Variants in KIT observed in about 807,000 individuals in gnomAD.
The protein encoded by KIT is KIT proto-oncogene, receptor tyrosine kinase.
Under a neutral mutation model 105.7 loss-of-function variants are expected in KIT, and 16 were observed. That is an observed-to-expected ratio of 0.15 (90% CI 0.10 to 0.23). The LOEUF (loss-of-function observed/expected upper bound fraction) is 0.23. Ranked by LOEUF, KIT falls within the 10% of genes least tolerant of loss-of-function variation. The probability of loss-of-function intolerance (pLI) is 1.00; values close to 1 mark genes in which losing one functional copy is unlikely to be tolerated. For missense variants in KIT, 858 were observed against 1,213.8 expected (o/e 0.71, Z 4.36); for synonymous variants, 438 against 441.1 (o/e 0.99, Z 0.09).
chr4:54,678,354 C>CTCCT (rs1480633825), intron 1 of KIT, among the ~76,000 whole-genome samples: 4,412 of 68,098 alleles, frequency 0.065, 355 homozygotes, highest in Non-Finnish European at 0.085. Flanking sequence ...CCTTCCTTCC[C>CTCCT]TCCCTCCCTC....
chr4:54,693,595 G>A (rs922307000), intron 1 of KIT, among the ~76,000 whole-genome samples: 1 of 151,984 alleles, frequency 6.6e-6, no homozygotes. Flanking sequence ...CACCTCTCAC[G>A]TCCCCTCCCC....
In KIT at chr4:54,727,836, T is replaced by C. The variant is rs748829568; in HGVS notation, c.1788T>C (p.Gly596=). The C allele has an allele frequency of 6.2e-7, 1 of 1,612,846 alleles. No individual in the cohort carries two copies. Among genetic ancestry groups the C allele is most frequent in the Non-Finnish European group, 8.5e-7 (1 of 1,179,960 alleles). ...TCCTTCCTACAGGGAAAACCCTGGG[T>C]GCTGGAGCTTTCGGGAAGGTTGTTG... is the stretch of plus-strand genomic sequence containing the variant. ...RNRLSFGKTL[G]AGAFGKVVEA... Residue 596 remains glycine (G), a synonymous_variant, in exon 12 of 21, where the codon GGT becomes GGC. Transcript: ENST00000288135.
chr4:54,705,373 G>A (rs1720720781), intron 5 of KIT, among the ~76,000 whole-genome samples: 1 of 152,176 alleles, frequency 6.6e-6, no homozygotes, highest in Admixed American at 6.5e-5. Context: ...TGGGAGGAGG[G>A]TTTGGATCCA....
intron 7 of KIT, among the ~76,000 whole-genome samples, chr4:54,710,170 G>A (rs145258177): frequency 6.6e-6 from 1 of 152,312 alleles, no homozygotes; most frequent in African/African-American, 2.4e-5. Flanking sequence ...TTAGAGAAAT[G>A]TCTGCTCTGA....
At chr4:54,731,089 T>C (rs1722560026) in intron 14 of KIT, among the ~76,000 whole-genome samples, 1 of 152,178 alleles carries the variant, frequency 6.6e-6, no homozygotes, top group Non-Finnish European at 1.5e-5. Context: ...CTGAGTCCTC[T>C]ATATGATTAT....
intron 7 of KIT, among the ~76,000 whole-genome samples, chr4:54,716,021 T>A (rs1721469836): frequency 6.6e-6 from 1 of 152,208 alleles, no homozygotes. Flanking sequence ...TATTAGCTTT[T>A]TCTTTCCATT....
Position 54,670,986 on chromosome 4 carries a change from TGTAATAACTGTC to T in KIT, c.67+12907_67+12918del, listed in dbSNP as rs1319287208. 8.2e-4 allele frequency among the ~76,000 whole-genome samples: 61 copies of T among 74,440 alleles called. No individual in the cohort carries two copies. In the Admixed American group the frequency reaches 0.011, roughly 13 times the overall value. The allele number at this position is 74,440 out of a possible 152,430, so 48.8% of individuals were successfully genotyped here. ...AGACTTCAGTTTTAATAATAACTGTTGTAATAACTGTCGGTCTGTTTGACACGGTACCATTTA... is the reference window on the plus strand; with the variant it reads ...AGACTTCAGTTTTAATAATAACTGTTGGTCTGTTTGACACGGTACCATTTA... On this transcript the variant is annotated intron_variant, in intron 1 of 20. Transcript: ENST00000288135.
rs2109767834 is a variant in KIT at position 54,725,843 on chromosome 4, T to A, written c.1347-14T>A. On this transcript the variant is annotated splice_polypyrimidine_tract_variant and intron_variant, in intron 8 of 20. Transcript: ENST00000288135. ...TCCTAGAGTAAGCCAGGGCTTTTGTTTTCTTCCCTTTAGATGCTCTGCTTC... is the reference window on the plus strand; with the variant it reads ...TCCTAGAGTAAGCCAGGGCTTTTGTATTCTTCCCTTTAGATGCTCTGCTTC... 1.2e-6 allele frequency: 2 copies of A among 1,613,242 alleles called. No homozygotes were observed.
intron 1 of KIT, among the ~76,000 whole-genome samples, chr4:54,684,172 TGGGTGGGGTGGGGTG>T (rs149224408): frequency 7.1e-6 from 1 of 141,014 alleles, no homozygotes; most frequent in African/African-American, 2.5e-5. Context: ...CAGAGGTGTG[TGGGTGGGGTGGGGTG>T]GGGTGGGGTG....
At chr4:54,719,268 C>A (rs964892263) in intron 7 of KIT, among the ~76,000 whole-genome samples, 2 of 152,160 alleles carry the variant, frequency 1.3e-5, no homozygotes, top group Non-Finnish European at 2.9e-5. Context: ...AAGGAAGACC[C>A]CTTCTACCAT....
At chr4:54,700,461 T>C (rs1299423282) in intron 4 of KIT, among the ~76,000 whole-genome samples, 2 of 152,232 alleles carry the variant, frequency 1.3e-5, no homozygotes, top group African/African-American at 2.4e-5. Flanking sequence ...AAATTTTAGC[T>C]AGTTACTGAA....
At chr4:54,671,993 T>A (rs1420383255) in intron 1 of KIT, among the ~76,000 whole-genome samples, 3 of 152,154 alleles carry the variant, frequency 2.0e-5, no homozygotes, top group African/African-American at 7.2e-5. Flanking sequence ...GATGCCAATG[T>A]CAAACCCTTC....
chr4:54,676,504 T>C (rs1230949821), intron 1 of KIT, among the ~76,000 whole-genome samples: 4 of 152,160 alleles, frequency 2.6e-5, no homozygotes, highest in African/African-American at 4.8e-5. Flanking sequence ...AAGATAGATA[T>C]GAGTTTCGGT....
intron 7 of KIT, 91 bp from the exon 8 acceptor site, chr4:54,723,493 A>G (rs1722016898): frequency 3.6e-6 from 3 of 832,132 alleles, no homozygotes; most frequent in East Asian, 5.0e-5. Flanking sequence ...CAGCAGCCTC[A>G]GGAAGGTTGT....
intron 5 of KIT, among the ~76,000 whole-genome samples, chr4:54,706,531 T>A (rs922865216): frequency 6.6e-6 from 1 of 152,132 alleles, no homozygotes; most frequent in Non-Finnish European, 1.5e-5. Flanking sequence ...CTAAAAAGCC[T>A]AGAAACTTCC....
intron 7 of KIT, among the ~76,000 whole-genome samples, chr4:54,719,632 C>A (rs948963888): frequency 6.6e-6 from 1 of 152,126 alleles, no homozygotes; most frequent in Non-Finnish European, 1.5e-5. Flanking sequence ...TCTAAACCTC[C>A]AACTTGGGAG....
intron 1 of KIT, among the ~76,000 whole-genome samples, chr4:54,658,406 G>C (rs931509552): frequency 6.6e-6 from 1 of 152,124 alleles, no homozygotes; most frequent in Non-Finnish European, 1.5e-5. Flanking sequence ...ACGTTGCGCG[G>C]GGGGCGGAGG....
Position 54,732,144 on chromosome 4 carries a change from A to G in KIT, c.2361+146A>G. 4.3e-6 allele frequency: 4 copies of G among 929,490 alleles called. 1 individual carries two copies. In the Middle Eastern group the frequency reaches 1.0e-3, roughly 236 times the overall value. 57.6% of individuals were successfully genotyped at this position (929,490 alleles called of 1,614,324 possible). ...GAAGTGTGGTAACCAAAAGCAGAGG[A>G]AATTTAGTTTCTTCATGTTCCAACT... On this transcript the variant is annotated intron_variant, in intron 16 of 20. Coordinates refer to ENST00000288135, the MANE Select transcript of KIT (RefSeq NM_000222.3).
intron 4 of KIT, among the ~76,000 whole-genome samples, chr4:54,701,505 A>G (rs540106735): frequency 1.3e-5 from 2 of 152,300 alleles, no homozygotes; most frequent in African/African-American, 2.4e-5. Context: ...AGTTTGTTCA[A>G]TACTGTTAAT....
Sources: gnomAD v4.1 joint callset for allele counts (sites outside exome capture counted in the v4.1 genomes callset) on GRCh38, gnomAD v4.1.1 for gene constraint, MANE v1.5 for transcripts, NCBI Gene and HGNC (gene_info 2026-07-23, HGNC 2026-07-21) for gene names.